PRR16: variants seen among roughly 807,000 people sequenced by gnomAD.
The protein encoded by PRR16 is protein Largen.
In PRR16, 6 loss-of-function variants were observed where a neutral mutation model predicts 18.2. The observed-to-expected ratio is 0.33, with a 90% CI of 0.18 to 0.65. PRR16 has a LOEUF of 0.65. PRR16 is among the 30% of genes least tolerant of loss of function. The pLI is 0.74. For synonymous variants in PRR16, 151 were observed against 147.8 expected (o/e 1.02, Z -0.16); for missense variants, 412 against 376.6 (o/e 1.09, Z -0.78).
rs570087954 is a variant in PRR16, at chr5:120,585,249, A to G, written c.160-100705A>G. Among the ~76,000 whole-genome samples, 9 of 152,300 alleles carry G rather than the reference A, an allele frequency of 5.9e-5. No homozygotes were observed. The South Asian group carries it at 1.9e-3, about 32-fold the overall frequency. ...AGTTGGGCTAACAGCACATACAATTACACAATAATGTAAGAAAACTGAGCT... is the reference window on the plus strand; with the variant it reads ...AGTTGGGCTAACAGCACATACAATTGCACAATAATGTAAGAAAACTGAGCT... On this transcript the variant is annotated intron_variant, in intron 1 of 1. Transcript: ENST00000407149.
Position 120,585,963 on chromosome 5 carries a change from C to G in PRR16, c.160-99991C>G, listed in dbSNP as rs139649750. On this transcript the variant is annotated intron_variant, in intron 1 of 1. Transcript: ENST00000407149. The stretch of plus-strand genomic sequence containing the variant: ...GGCCGAGGAGGGTGGATCACAAGGT[C>G]AAGTGATCGAGACCATCCTGGCCAA... Among the ~76,000 whole-genome samples, 254 of 152,010 alleles carry G rather than the reference C, an allele frequency of 1.7e-3. 3 individuals carry two copies. Among genetic ancestry groups the G allele is most frequent in the African/African-American group, 5.8e-3 (242 of 41,484 alleles).
At chr5:120,770,940 T>TCG in the PRR16 span, among the ~76,000 whole-genome samples, 2 of 149,952 alleles carry the variant, frequency 1.3e-5, no homozygotes, top group East Asian at 3.9e-4. Context: ...TCTCTCTCTC[T>TCG]CTCTCTCTCT....
At chr5:120,695,528 C>T in the PRR16 span, among the ~76,000 whole-genome samples, 1 of 152,184 alleles carries the variant, frequency 6.6e-6, no homozygotes, top group East Asian at 1.9e-4. Context: ...GTTGCATTTC[C>T]CACCTGCCTG....
At chr5:120,603,116 T>C (rs552766504) in intron 1 of PRR16, among the ~76,000 whole-genome samples, 1 of 152,222 alleles carries the variant, frequency 6.6e-6, no homozygotes, top group East Asian at 1.9e-4. Flanking sequence ...TTTGATTTTT[T>C]GGAATAATTT....
At chr5:120,513,906 C>T in intron 1 of PRR16, among the ~76,000 whole-genome samples, 1 of 151,782 alleles carries the variant, frequency 6.6e-6, no homozygotes, top group East Asian at 1.9e-4. Context: ...TTGCAGGTGC[C>T]CACCACCATG....
chr5:120,614,127 T>C (rs969651677), intron 1 of PRR16, among the ~76,000 whole-genome samples: 14 of 152,208 alleles, frequency 9.2e-5, no homozygotes, highest in African/African-American at 2.9e-4. Flanking sequence ...TTTTCTTCTG[T>C]AATCAAACTG....
chr5:120,585,514 G>A (rs1038777330), intron 1 of PRR16, among the ~76,000 whole-genome samples: 77 of 151,686 alleles, frequency 5.1e-4, no homozygotes, highest in African/African-American at 1.7e-3. Context: ...AGCTACTCAC[G>A]AGGCTGAGAC....
intron 1 of PRR16, among the ~76,000 whole-genome samples, chr5:120,497,440 G>C (rs1050500033): frequency 1.4e-5 from 2 of 138,374 alleles, no homozygotes; most frequent in African/African-American, 5.7e-5. Flanking sequence ...ACCTGAGCTG[G>C]AGTGCAATGG....
chr5:120,665,957 A>C (rs1257260868), intron 1 of PRR16, among the ~76,000 whole-genome samples: 1 of 152,112 alleles, frequency 6.6e-6, no homozygotes, highest in Non-Finnish European at 1.5e-5. Context: ...TTTTGGTTCC[A>C]TGTGAACTTT....
At chr5:120,753,226 G>A in the PRR16 span, among the ~76,000 whole-genome samples, 8 of 152,042 alleles carry the variant, frequency 5.3e-5, no homozygotes, top group Non-Finnish European at 1.0e-4. Context: ...GCCCAGGAGC[G>A]GAGCGAATAA....
the PRR16 span, among the ~76,000 whole-genome samples, chr5:120,783,863 C>T: frequency 6.6e-6 from 1 of 151,956 alleles, no homozygotes; most frequent in African/African-American, 2.4e-5. Context: ...CCTTTTTCCC[C>T]CCATTCCCAC....
chr5:120,576,885 C>T (rs1753096124), intron 1 of PRR16, among the ~76,000 whole-genome samples: 1 of 152,070 alleles, frequency 6.6e-6, no homozygotes, highest in African/African-American at 2.4e-5. Context: ...ATTGTGTGAA[C>T]TAATTTCCTA....
chr5:120,645,732 T>G (rs1289636312), intron 1 of PRR16, among the ~76,000 whole-genome samples: 3 of 152,044 alleles, frequency 2.0e-5, no homozygotes, highest in Non-Finnish European at 2.9e-5. Context: ...GAGCCAAGTT[T>G]CTTTTGTTGC....
chr5:120,769,016 T>G, the PRR16 span, among the ~76,000 whole-genome samples: 1 of 151,704 alleles, frequency 6.6e-6, no homozygotes, highest in Non-Finnish European at 1.5e-5. Flanking sequence ...TCCGCCAACA[T>G]GTACCTGATC....
the PRR16 span, among the ~76,000 whole-genome samples, chr5:120,710,189 A>G: frequency 1.3e-5 from 2 of 152,036 alleles, no homozygotes; most frequent in South Asian, 2.1e-4. Context: ...GAAATGATAT[A>G]TTTTTATCAT....
chr5:120,529,401 G>A (rs886367557), intron 1 of PRR16, among the ~76,000 whole-genome samples: 13 of 152,052 alleles, frequency 8.5e-5, no homozygotes, highest in African/African-American at 1.2e-4. Flanking sequence ...TCATGTTTTA[G>A]ACCATAAGTG....
chr5:120,692,302 G>A (rs1757217399), downstream of PRR16, among the ~76,000 whole-genome samples: 2 of 152,134 alleles, frequency 1.3e-5, no homozygotes, highest in Admixed American at 1.3e-4. Flanking sequence ...TGAGTTCTTT[G>A]TTACGAACTC....
chr5:120,544,584 CA>C (rs1229229304), intron 1 of PRR16, among the ~76,000 whole-genome samples: 1 of 151,900 alleles, frequency 6.6e-6, no homozygotes, highest in Admixed American at 6.6e-5. Flanking sequence ...ATATATAATA[CA>C]ATTGTGTTTT....
rs140637170 is a variant in PRR16, at chr5:120,686,189, T to C, written c.395T>C (p.Val132Ala). Residue 132 changes from valine to alanine, a missense_variant, in exon 2 of 2, where the codon GTG (valine) becomes GCG (alanine). Transcript: ENST00000407149. ...CCACCTCCTCCAAGGTTGACACCTG[T>C]GAAGTGTGAAGACCCCAAAAGGGTG... ...PPPPPPRLTP[V>A]KCEDPKRVVP... 4 of 1,614,032 alleles carry C rather than the reference T, an allele frequency of 2.5e-6. No homozygotes were observed. Among genetic ancestry groups the C allele is most frequent in the Non-Finnish European group, 3.4e-6 (4 of 1,180,036 alleles).
Sources: allele counts gnomAD v4.1 joint callset (sites outside exome capture counted in the v4.1 genomes callset), GRCh38; gene constraint gnomAD v4.1.1; transcripts MANE v1.5; gene names NCBI Gene and HGNC (gene_info 2026-07-23, HGNC 2026-07-21).